CELF2: variants seen among roughly 807,000 people sequenced by gnomAD.
The protein encoded by CELF2 is CUG triplet repeat RNA-binding protein 2.
CELF2 carries 8 observed loss-of-function variants against 62.6 expected under a neutral mutation model. The ratio of observed to expected loss-of-function variants is 0.13; its 90% confidence interval spans 0.07 to 0.23. The LOEUF (loss-of-function observed/expected upper bound fraction) is 0.23, where lower values mean the gene tolerates loss of function less well. Ranked by LOEUF, CELF2 falls within the 10% of genes least tolerant of loss-of-function variation. The pLI is 1.00. For synonymous variants in CELF2, 258 were observed against 250.0 expected (o/e 1.03, Z -0.30); for missense variants, 333 against 671.0 (o/e 0.50, Z 5.56).
chr10:10,563,427 A>G, the CELF2 span, among the ~76,000 whole-genome samples: 1 of 152,174 alleles, frequency 6.6e-6, no homozygotes, highest in Admixed American at 6.5e-5. Context: ...CCTGGCCAAC[A>G]TGGCAAAACC....
intron 1 of CELF2, among the ~76,000 whole-genome samples, chr10:11,049,939 A>G (rs578171848): frequency 2.0e-5 from 3 of 152,226 alleles, no homozygotes; most frequent in Non-Finnish European, 2.9e-5. Context: ...GTGCATGCTC[A>G]GGGGCACCAT....
the CELF2 span, among the ~76,000 whole-genome samples, chr10:10,470,612 C>G: frequency 2.0e-5 from 3 of 151,716 alleles, no homozygotes; most frequent in Non-Finnish European, 2.9e-5. Context: ...GAGTCAAATA[C>G]TTCTTACACT....
chr10:10,601,067 GA>G, the CELF2 span, among the ~76,000 whole-genome samples: 405 of 152,334 alleles, frequency 2.7e-3, 3 homozygotes, highest in African/African-American at 9.1e-3. Context: ...CAGACCGGAA[GA>G]AAGCAGAACC....
At chr10:11,025,225 G>C (rs932205141) in intron 1 of CELF2, among the ~76,000 whole-genome samples, 3 of 89,402 alleles carry the variant, frequency 3.4e-5, no homozygotes, top group Non-Finnish European at 8.2e-5. Flanking sequence ...GTGTGTGTGT[G>C]TGTGTGTGTG....
chr10:10,781,725 T>C, the CELF2 span, among the ~76,000 whole-genome samples: 3 of 152,170 alleles, frequency 2.0e-5, no homozygotes, highest in African/African-American at 7.2e-5. Context: ...TATTAGGCTC[T>C]ACCATCTAGG....
At chr10:10,891,581 C>T (rs919250634) in intron 1 of CELF2, among the ~76,000 whole-genome samples, 4 of 152,066 alleles carry the variant, frequency 2.6e-5, no homozygotes, top group African/African-American at 9.7e-5. Context: ...CAAACTGCTG[C>T]TCAGATGTTG....
the CELF2 span, among the ~76,000 whole-genome samples, chr10:10,493,537 T>A: frequency 6.6e-6 from 1 of 151,648 alleles, no homozygotes; most frequent in Non-Finnish European, 1.5e-5. Context: ...TTTTGTTTGT[T>A]TCTTTTTTTC....
At chr10:10,573,120 TATA>T in the CELF2 span, among the ~76,000 whole-genome samples, 1 of 152,226 alleles carries the variant, frequency 6.6e-6, no homozygotes, top group Non-Finnish European at 1.5e-5. Flanking sequence ...TTGAGCTTTT[TATA>T]ATGTGTTTGT....
chr10:11,080,505 G>A (rs771772953), intron 1 of CELF2, among the ~76,000 whole-genome samples: 2 of 152,156 alleles, frequency 1.3e-5, no homozygotes, highest in African/African-American at 2.4e-5. Context: ...ATTCACTGAT[G>A]GCTACCTGGA....
chr10:10,505,013 A>T, the CELF2 span, among the ~76,000 whole-genome samples: 1 of 152,160 alleles, frequency 6.6e-6, no homozygotes, highest in African/African-American at 2.4e-5. Context: ...TAAATCAAAC[A>T]TGTCTGTCAT....
chr10:10,758,571 G>T, the CELF2 span, among the ~76,000 whole-genome samples: 3 of 147,494 alleles, frequency 2.0e-5, no homozygotes, highest in African/African-American at 7.5e-5. Context: ...CGCTGTCCCA[G>T]TGTCTACACA....
intron 11 of CELF2, among the ~76,000 whole-genome samples, chr10:11,325,328 A>T (rs1417614247): frequency 6.6e-6 from 1 of 152,220 alleles, no homozygotes. Context: ...GTGTTAAGAG[A>T]TTTGGCAAAT....
At chr10:11,049,122 TA>T (rs11406502) in intron 1 of CELF2, among the ~76,000 whole-genome samples, 5,839 of 142,968 alleles carry the variant, frequency 0.041, 277 homozygotes, top group African/African-American at 0.12. Context: ...ACTGTTCTGT[TA>T]AAAAAAAAAA....
At position 11,280,166 on chromosome 10, in the gene CELF2, A is replaced by G. The variant is rs2087834130; in HGVS notation, c.841+5046A>G. ...TGGGGAAAGGACGGGGCACCCACAT[A>G]CCTCAGAAAAGAGAGAGCGACAGAG... On this transcript the variant is annotated intron_variant, in intron 8 of 12. Transcript: ENST00000633077. This position sits in a 1 kb window ranked among gnomAD's most constrained non-coding sequence, Gnocchi z 7.6. Among the ~76,000 whole-genome samples, 1 of 152,066 alleles carries G rather than the reference A, an allele frequency of 6.6e-6. No individual in the cohort carries two copies. The highest frequency in any genetic ancestry group is 2.4e-5 in the African/African-American group (1 of 41,392).
chr10:11,141,099 C>T (rs543351044), intron 1 of CELF2, among the ~76,000 whole-genome samples: 9 of 152,252 alleles, frequency 5.9e-5, no homozygotes, highest in South Asian at 2.1e-4. Context: ...CACCACATGC[C>T]GGGCGCTGTG....
chr10:10,701,056 G>T, the CELF2 span, among the ~76,000 whole-genome samples: 1 of 152,176 alleles, frequency 6.6e-6, no homozygotes, highest in Non-Finnish European at 1.5e-5. Context: ...AATAAAACCT[G>T]ATTTATCAGC....
intron 1 of CELF2, among the ~76,000 whole-genome samples, chr10:10,800,079 T>A (rs920746934): frequency 6.7e-6 from 1 of 150,206 alleles, no homozygotes; most frequent in African/African-American, 2.5e-5. Context: ...TTCATGACTC[T>A]GTCTTCATGT....
chr10:11,305,066 C>T lies in CELF2; in HGVS notation c.977-9073C>T, dbSNP rs1457300918. On this transcript the variant is annotated intron_variant, in intron 9 of 12. Transcript: ENST00000633077. This position sits in a 1 kb window ranked among gnomAD's most constrained non-coding sequence, Gnocchi z 4.8. The stretch of plus-strand genomic sequence containing the variant: ...TCTTCTGGTTCAACTCGGTGCCCCT[C>T]CTCCAGCCCTGGCCCAGTGGATACA... Among the ~76,000 whole-genome samples the T allele has an allele frequency of 9.4e-5, 14 of 149,522 alleles. No individual in the cohort carries two copies. The Admixed American group carries it at 9.4e-4, about 10-fold the overall frequency.
chr10:10,481,984 G>A, the CELF2 span, among the ~76,000 whole-genome samples: 1 of 152,144 alleles, frequency 6.6e-6, no homozygotes, highest in Admixed American at 6.5e-5. Flanking sequence ...GCCACATTTT[G>A]GATGTTCTTA....
Sources: gnomAD v4.1 joint callset for allele counts (sites outside exome capture counted in the v4.1 genomes callset) on GRCh38, gnomAD v4.1.1 for gene constraint, Gnocchi (gnomAD v3.1) non-coding constraint, MANE v1.5 for transcripts, NCBI Gene and HGNC (gene_info 2026-07-23, HGNC 2026-07-21) for gene names.